The following STAT2 variants were observed in gnomAD, a reference collection of about 807,000 sequenced individuals.
The protein encoded by STAT2 is interferon alpha induced transcriptional activator.
A neutral mutation model predicts 122.3 loss-of-function variants in STAT2; 51 were observed. That is an observed-to-expected ratio of 0.42 (90% confidence interval 0.33 to 0.53). The LOEUF is 0.53. STAT2 is among the 20% of genes least tolerant of loss of function. STAT2 has a pLI of 0.10. For missense variants in STAT2, 736 were observed against 1,010.3 expected (o/e 0.73, Z 3.68); for synonymous variants, 351 against 394.9 (o/e 0.89, Z 1.32).
intron 8 of STAT2, among the ~76,000 whole-genome samples, chr12:56,354,016 A>AAAATATATATAT (rs71081350): frequency 2.2e-3 from 36 of 16,688 alleles, no homozygotes; most frequent in Non-Finnish European, 4.7e-3. Context: ...AAAAAAAAAA[A>AAAATATATATAT]ATATATATAT....
chr12:56,354,723 A>T (rs1324406771), intron 7 of STAT2, 55 bp downstream of exon 7: 3 of 1,613,020 alleles, frequency 1.9e-6, no homozygotes, highest in Non-Finnish European at 2.5e-6. Context: ...GGGTCCCCAC[A>T]TCCCTCATTT....
chr12:56,352,336 C>T (rs1878623710), intron 8 of STAT2: 1 of 107,520 alleles, frequency 9.3e-6, no homozygotes, highest in South Asian at 3.1e-4. Flanking sequence ...TTCTGGGAAA[C>T]ATTTGTAACT....
intron 8 of STAT2, among the ~76,000 whole-genome samples, chr12:56,352,966 G>A (rs1253425060): frequency 2.0e-5 from 3 of 151,686 alleles, no homozygotes; most frequent in South Asian, 2.1e-4. Context: ...GACTACAGGC[G>A]TGTGCCACCA....
chr12:56,354,327 A>G, intron 8 of STAT2, 139 bp downstream of exon 8: 1 of 1,333,084 alleles, frequency 7.5e-7, no homozygotes, highest in Non-Finnish European at 1.0e-6. Context: ...AGCAGAATAG[A>G]GCTGCAGTCA....
chr12:56,355,105 C>A, intron 6 of STAT2, 171 bp downstream of exon 6: 1 of 786,976 alleles, frequency 1.3e-6, no homozygotes, highest in East Asian at 2.6e-5. Flanking sequence ...TCAGCTGCAC[C>A]TCCAGCTCAG....
chr12:56,354,538 TC>T lies in STAT2; in HGVS notation c.709del (p.Glu237SerfsTer36). 1 of 1,614,174 alleles carries T rather than the reference TC, an allele frequency of 6.2e-7. No homozygotes were observed. The highest frequency in any genetic ancestry group is 8.5e-7 in the Non-Finnish European group (1 of 1,180,032). On this transcript the variant is annotated frameshift_variant, in exon 8 of 24. Transcript: ENST00000314128. LOFTEE classifies it high-confidence loss of function. Reference sequence around the variant, plus strand: ...GGCTTTTTGCTGCTGGGCCTTCCACTCCTCCAACTTTGGCAGCAGTAGCTCG... The same window carrying T: ...GGCTTTTTGCTGCTGGGCCTTCCACTCTCCAACTTTGGCAGCAGTAGCTCG... ...LIELLLPKLE[E>X]WKAQQQKACI...
rs1342303468 is a variant in STAT2 at position 56,350,398 on chromosome 12, T to C, written c.1115+14A>G. On this transcript the variant is annotated intron_variant, in intron 12 of 23. Coordinates refer to ENST00000314128, the MANE Select transcript of STAT2 (RefSeq NM_005419.4). ...ACTGTACAGATGTTTGCAGTGTCCT[T>C]GTCAAGCACCTACCCTTGTAATTGA... The C allele has an allele frequency of 6.2e-7, 1 of 1,605,216 alleles. No homozygotes were observed. The highest frequency in any genetic ancestry group is 8.5e-7 in the Non-Finnish European group (1 of 1,176,976).
intron 4 of STAT2, 46 bp from the exon 5 acceptor site, chr12:56,355,578 C>T (rs1361859963): frequency 1.2e-6 from 2 of 1,610,386 alleles, no homozygotes; most frequent in Non-Finnish European, 1.7e-6. Flanking sequence ...GCCTTTCATG[C>T]CTTAAGTTCA....
At chr12:56,350,661 T>A (rs11575231) in intron 11 of STAT2, among the ~76,000 whole-genome samples, 168 bp downstream of exon 11, 2 of 152,158 alleles carry the variant, frequency 1.3e-5, no homozygotes, top group Non-Finnish European at 2.9e-5. Context: ...GTAGCTGACA[T>A]GCTGCATGTC....
intron 8 of STAT2, among the ~76,000 whole-genome samples, chr12:56,352,053 C>G (rs182537330): frequency 6.6e-6 from 1 of 152,124 alleles, no homozygotes; most frequent in East Asian, 1.9e-4. Context: ...CCACCACGCC[C>G]GGCTAACTTA....
Position 56,356,601 on chromosome 12 carries a change from C to T in STAT2, c.-7-23G>A, listed in dbSNP as rs750371203. On this transcript the variant is annotated intron_variant, in intron 1 of 23. Transcript: ENST00000314128. ...GCTCTGCGTCAGAAGGATGAGGGTT[C>T]CCAATTGGATATTTTGCTGGACTAA... 3 of 1,611,808 alleles carry T rather than the reference C, an allele frequency of 1.9e-6. 1 individual carries two copies. The South Asian group carries it at 3.3e-5, about 18-fold the overall frequency.
chr12:56,351,735 T>A (rs1398185941), intron 8 of STAT2, among the ~76,000 whole-genome samples: 1 of 152,160 alleles, frequency 6.6e-6, no homozygotes, highest in Non-Finnish European at 1.5e-5. Flanking sequence ...ATGCATTTAA[T>A]CCTCAAAACA....
At chr12:56,350,287 CG>C (rs1878248526) in intron 12 of STAT2, 97 bp from the exon 13 acceptor site, 1 of 1,431,186 alleles carries the variant, frequency 7.0e-7, no homozygotes, top group Non-Finnish European at 9.6e-7. Flanking sequence ...TTTCAGATCT[CG>C]CCATCTCCCT....
rs1241317788 is a variant in STAT2, at chr12:56,351,334, C to T, written c.899G>A (p.Arg300His). ...TAGCAACTCTGTGACCTGGGCGTTG[C>T]GTAGGTCCACCCCTTTGGTCAGAGG... ...DDPLTKGVDL[R>H]NAQVTELLQR... Residue 300 changes from arginine to histidine, a missense_variant, in exon 9 of 24, where the codon CGC becomes CAC. By Grantham distance (29) the Arg-to-His change is conservative (BLOSUM62 0). Coordinates refer to ENST00000314128, the MANE Select transcript of STAT2 (RefSeq NM_005419.4). 8 of 1,614,160 alleles carry T rather than the reference C, an allele frequency of 5.0e-6. No homozygotes were observed. Among genetic ancestry groups the T allele is most frequent in the Admixed American group, 3.3e-5 (2 of 60,020 alleles).
At chr12:56,354,921 G>A in intron 6 of STAT2, 58 bp from the exon 7 acceptor site, 1 of 1,526,444 alleles carries the variant, frequency 6.6e-7, no homozygotes, top group East Asian at 2.3e-5. Flanking sequence ...CCTGACTGGG[G>A]TCTCAGTCAG....
At position 56,354,883 on chromosome 12, in the gene STAT2, G is replaced by A; in HGVS notation, c.548-20C>T. 1 of 1,611,718 alleles carries A rather than the reference G, an allele frequency of 6.2e-7. No individual in the cohort carries two copies. The highest frequency in any genetic ancestry group is 1.1e-5 in the South Asian group (1 of 91,024). On this transcript the variant is annotated intron_variant, in intron 6 of 23. Transcript: ENST00000314128. ...TCTTCCCTGGATGGTGGGAACAGGA[G>A]TCAGTCCAGGGGTTCTTTCCTCTCC...
chr12:56,353,586 T>G (rs1347887560), intron 8 of STAT2, among the ~76,000 whole-genome samples: 1 of 152,116 alleles, frequency 6.6e-6, no homozygotes, highest in Non-Finnish European at 1.5e-5. Flanking sequence ...TGGAAAAAGG[T>G]AACAAGAAAT....
intron 8 of STAT2, among the ~76,000 whole-genome samples, chr12:56,353,298 C>A (rs886138428): frequency 2.4e-4 from 37 of 152,050 alleles, no homozygotes; most frequent in East Asian, 5.8e-4. Context: ...AATTAAAAAA[C>A]AAATTTTTTT....
intron 22 of STAT2, among the ~76,000 whole-genome samples, chr12:56,345,524 A>AAAATATATATATATATATATATATATAT (rs1555169410): frequency 1.1e-4 from 3 of 26,204 alleles, no homozygotes; most frequent in East Asian, 2.3e-3. Flanking sequence ...AAAAAAAAAA[A>AAAATATATATATATATATATATATATAT]ATATATATAT....
Sources: allele counts gnomAD v4.1 joint callset (sites outside exome capture counted in the v4.1 genomes callset), GRCh38; gene constraint gnomAD v4.1.1; transcripts MANE v1.5; gene names NCBI Gene and HGNC (gene_info 2026-07-23, HGNC 2026-07-21).